ZNF718: variants seen among roughly 807,000 people sequenced by gnomAD.
ZNF718 encodes zinc finger protein 718.
Under a neutral mutation model 2.6 loss-of-function variants are expected in ZNF718, and 3 were observed. The ratio of observed to expected loss-of-function variants is 1.16; its 90% confidence interval spans 0.53 to 3.01. The LOEUF is 3.01. Ranked by LOEUF, ZNF718 falls within the 30% of genes most tolerant of loss-of-function variation. ZNF718 has a pLI of 0.03. For synonymous variants in ZNF718, 135 were observed against 77.9 expected, an observed-to-expected ratio of 1.73 and a Z score of -3.86; for missense variants, 468 against 230.0, an observed-to-expected ratio of 2.03 and a Z score of -6.69.
intron 3 of ZNF718, among the ~76,000 whole-genome samples, chr4:169,748 C>T (rs925938198): frequency 1.3e-5 from 2 of 152,050 alleles, no homozygotes; most frequent in African/African-American, 2.4e-5. Flanking sequence ...TGCCTCTGCA[C>T]GTGAGATGGG....
intron 3 of ZNF718, among the ~76,000 whole-genome samples, chr4:145,198 C>CT (rs1715996738): frequency 1.3e-5 from 2 of 152,104 alleles, no homozygotes; most frequent in African/African-American, 4.8e-5. Context: ...TATGTTTTCA[C>CT]TGGATAAGTA....
chr4:133,021 A>G (rs1327173894), intron 3 of ZNF718, among the ~76,000 whole-genome samples: 4 of 95,166 alleles, frequency 4.2e-5, no homozygotes, highest in African/African-American at 1.1e-4. Flanking sequence ...TACTAAAAAT[A>G]CAAAAATTAG....
At chr4:126,829 C>CT (rs568758270) in intron 1 of ZNF718, among the ~76,000 whole-genome samples, 24,080 of 141,574 alleles carry the variant, frequency 0.17, 2,193 homozygotes, top group Admixed American at 0.26. Context: ...TAATTTTTCT[C>CT]TTTTTTTTTT....
In ZNF718 at chr4:149,165, A is replaced by G. The variant is rs1716204664; in HGVS notation, c.227-11747A>G. ...TCACTTTCTGATATGTTCTATGCCA[A>G]ATTATCTGATTTCAAATTCAAAATT... On this transcript the variant is annotated intron_variant, in intron 3 of 3. Transcript: ENST00000510175. 2.0e-5 allele frequency among the ~76,000 whole-genome samples: 3 copies of G among 152,188 alleles called. No homozygotes were observed. The South Asian group carries it at 6.2e-4, about 31-fold the overall frequency.
chr4:165,990 A>C (rs1717077949), downstream of ZNF718, among the ~76,000 whole-genome samples: 1 of 152,098 alleles, frequency 6.6e-6, no homozygotes, highest in African/African-American at 2.4e-5. Flanking sequence ...TATATCTCCT[A>C]ATGCTATCCC....
downstream of ZNF718, among the ~76,000 whole-genome samples, chr4:167,643 TC>T (rs1310331381): frequency 1.3e-5 from 2 of 150,828 alleles, no homozygotes; most frequent in African/African-American, 2.5e-5. Context: ...ATGATTTGGC[TC>T]TCTGTTTGTC....
At chr4:151,294 C>T (rs1469795471) in intron 3 of ZNF718, among the ~76,000 whole-genome samples, 6 of 151,164 alleles carry the variant, frequency 4.0e-5, no homozygotes, top group Non-Finnish European at 8.9e-5. Flanking sequence ...TTAGTAGAGA[C>T]GGGGTTTCAC....
rs1716795891 is a variant in ZNF718, at chr4:160,942, G to A, written c.257G>A (p.Trp86Ter). 2.6e-6 allele frequency: 2 copies of A among 774,214 alleles called. No individual in the cohort carries two copies. Among genetic ancestry groups the A allele is most frequent in the South Asian group, 2.7e-5 (2 of 73,528 alleles). The allele number at this position is 774,214 out of a possible 1,614,324, so 48.0% of individuals were successfully genotyped here. A position where few individuals can be genotyped will look rare whatever the true frequency, so the allele number is the denominator to read the frequency against. ...AVCSHFTQNLWTVQGIEDSFH... is the reference protein window; with the variant it reads ...AVCSHFTQNL Reference sequence around the variant, plus strand: ...TGTTCTCATTTCACCCAAAACCTTTGGACAGTGCAGGGCATAGAAGATTCA... The same window carrying A: ...TGTTCTCATTTCACCCAAAACCTTTAGACAGTGCAGGGCATAGAAGATTCA... Residue 86 changes from tryptophan to a stop codon, truncating the protein, a stop_gained, in exon 4 of 4, where the codon TGG becomes TAG. Transcript: ENST00000510175. LOFTEE classifies it low-confidence loss of function (END_TRUNC).
At chr4:133,720 G>A (rs1171783146) in intron 3 of ZNF718, among the ~76,000 whole-genome samples, 1 of 152,190 alleles carries the variant, frequency 6.6e-6, no homozygotes, top group Non-Finnish European at 1.5e-5. Context: ...TTCATTTAAA[G>A]ATGCACTTTT....
chr4:135,851 A>T (rs1224533151), intron 3 of ZNF718, among the ~76,000 whole-genome samples: 2 of 149,224 alleles, frequency 1.3e-5, no homozygotes, highest in African/African-American at 2.5e-5. Flanking sequence ...ATTTTTAGTA[A>T]TATGTTAAGA....
chr4:163,796 G>A lies in ZNF718; in HGVS notation c.*1674G>A, dbSNP rs1244852522. ...ATTTCTAGTAATTTCTTTTTCCAGT[G>A]GCTTTAAACAGCAAATAAGTTGAAG... On this transcript the variant is annotated 3_prime_UTR_variant, in exon 4 of 4. Coordinates refer to ENST00000510175, the MANE Select transcript of ZNF718 (RefSeq NM_001039127.6). 2.6e-5 allele frequency: 4 copies of A among 151,820 alleles called. No homozygotes were observed. The highest frequency in any genetic ancestry group is 5.9e-5 in the Non-Finnish European group (4 of 67,934). The allele number at this position is 151,820 out of a possible 1,614,324, so 9.4% of individuals were successfully genotyped here. A position where few individuals can be genotyped will look rare whatever the true frequency, so the allele number is the denominator to read the frequency against.
At chr4:167,044 G>C (rs990813602), downstream of ZNF718, among the ~76,000 whole-genome samples, 27 of 152,282 alleles carry the variant, frequency 1.8e-4, no homozygotes, top group Non-Finnish European at 3.7e-4. Flanking sequence ...GTAAGGAAGG[G>C]ATCCAGTTTC....
intron 3 of ZNF718, among the ~76,000 whole-genome samples, chr4:175,282 T>C (rs1310586444): frequency 1.3e-5 from 2 of 152,164 alleles, no homozygotes; most frequent in African/African-American, 4.8e-5. Flanking sequence ...CTAACCTCTT[T>C]ACAAAAGAAC....
At chr4:183,245 A>G (rs1717502753) in intron 3 of ZNF718, among the ~76,000 whole-genome samples, 1 of 152,212 alleles carries the variant, frequency 6.6e-6, no homozygotes, top group South Asian at 2.1e-4. Context: ...AACACCATTT[A>G]TTAAACAGGA....
intron 3 of ZNF718, among the ~76,000 whole-genome samples, chr4:172,335 A>G (rs573204966): frequency 6.6e-6 from 1 of 152,334 alleles, no homozygotes; most frequent in Non-Finnish European, 1.5e-5. Flanking sequence ...CATTGTGTGT[A>G]AACACATTTT....
At chr4:195,922 C>T (rs568656825) in intron 3 of ZNF718, among the ~76,000 whole-genome samples, 17 of 152,188 alleles carry the variant, frequency 1.1e-4, no homozygotes, top group African/African-American at 4.1e-4. Context: ...TTTTTCTTTA[C>T]TACTTCTGTC....
intron 1 of ZNF718, among the ~76,000 whole-genome samples, chr4:128,167 G>A (rs1715278396): frequency 9.6e-6 from 1 of 103,846 alleles, no homozygotes; most frequent in Non-Finnish European, 2.1e-5. Flanking sequence ...CTCTGCCTGG[G>A]ATTCCCAACA....
intron 3 of ZNF718, among the ~76,000 whole-genome samples, chr4:173,069 A>G (rs1266882018): frequency 6.6e-6 from 1 of 152,102 alleles, no homozygotes; most frequent in African/African-American, 2.4e-5. Flanking sequence ...ATAAAAATAA[A>G]TAAATATGAT....
intron 3 of ZNF718, among the ~76,000 whole-genome samples, chr4:195,202 T>A (rs1717768232): frequency 6.6e-6 from 1 of 152,224 alleles, no homozygotes; most frequent in Admixed American, 6.5e-5. Flanking sequence ...AGGGTGTAGG[T>A]AACCTTTTGA....
Sources: gnomAD v4.1 joint callset for allele counts (sites outside exome capture counted in the v4.1 genomes callset) on GRCh38, gnomAD v4.1.1 for gene constraint, MANE v1.5 for transcripts, NCBI Gene and HGNC (gene_info 2026-07-23, HGNC 2026-07-21) for gene names.